Variants in MAPK4 observed in about 807,000 individuals in gnomAD.
MAPK4 encodes Erk3-related.
Under a neutral mutation model 47.7 loss-of-function variants are expected in MAPK4, and 22 were observed. The ratio of observed to expected loss-of-function variants is 0.46; its 90% CI spans 0.33 to 0.66. The LOEUF (loss-of-function observed/expected upper bound fraction) is 0.66. Among genes scored for constraint, MAPK4 ranks in the 30% least tolerant of loss-of-function variants. The pLI is 0.02. For missense variants in MAPK4, 736 were observed against 831.7 expected (o/e 0.88, Z 1.42); for synonymous variants, 390 against 365.7 (o/e 1.07, Z -0.76).
At chr18:50,591,076 A>G (rs764407842) in intron 1 of MAPK4, among the ~76,000 whole-genome samples, 1 of 152,232 alleles carries the variant, frequency 6.6e-6, no homozygotes, top group East Asian at 1.9e-4. Context: ...TATTGGCACA[A>G]TAATTGGCCT....
chr18:50,694,659 G>T (rs1457018884), intron 2 of MAPK4, among the ~76,000 whole-genome samples: 4 of 152,178 alleles, frequency 2.6e-5, no homozygotes, highest in African/African-American at 9.7e-5. Flanking sequence ...CCCTCAGGAA[G>T]TTGTTTGAGT....
intron 1 of MAPK4, among the ~76,000 whole-genome samples, chr18:50,633,334 G>A (rs1026158387): frequency 6.6e-6 from 1 of 152,220 alleles, no homozygotes; most frequent in Non-Finnish European, 1.5e-5. Flanking sequence ...CTGGGAGTGA[G>A]CCACTGTGCC....
chr18:50,676,724 C>A (rs995258132), intron 2 of MAPK4, among the ~76,000 whole-genome samples: 2 of 152,182 alleles, frequency 1.3e-5, no homozygotes, highest in African/African-American at 4.8e-5. Context: ...GGTAAACTAT[C>A]ATTCATCCAC....
intron 2 of MAPK4, among the ~76,000 whole-genome samples, chr18:50,711,628 T>C (rs1910369921): frequency 1.3e-5 from 2 of 152,354 alleles, no homozygotes; most frequent in South Asian, 2.1e-4. Flanking sequence ...ACCCTGTGCA[T>C]GGGCATGCCC....
chr18:50,689,426 A>G (rs1380890435), intron 2 of MAPK4, among the ~76,000 whole-genome samples: 1 of 151,222 alleles, frequency 6.6e-6, no homozygotes, highest in African/African-American at 2.4e-5. Context: ...AAAAAAAAAA[A>G]AAGCTATTCT....
chr18:50,715,453 C>T (rs988540945), intron 3 of MAPK4, among the ~76,000 whole-genome samples: 1 of 152,188 alleles, frequency 6.6e-6, no homozygotes, highest in African/African-American at 2.4e-5. Flanking sequence ...AATCAAGTAA[C>T]TACTTTGCTA....
chr18:50,706,707 T>C (rs1052993385), intron 2 of MAPK4, among the ~76,000 whole-genome samples: 2 of 152,184 alleles, frequency 1.3e-5, no homozygotes, highest in East Asian at 3.9e-4. Context: ...CACCCCAGGA[T>C]GCTAATGCCC....
At chr18:50,607,923 A>G (rs2042596277) in intron 1 of MAPK4, among the ~76,000 whole-genome samples, 1 of 152,192 alleles carries the variant, frequency 6.6e-6, no homozygotes, top group South Asian at 2.1e-4. Context: ...GAAGCCACAT[A>G]ATGAGTTCTT....
intron 2 of MAPK4, among the ~76,000 whole-genome samples, chr18:50,665,221 G>A (rs1310894192): frequency 6.6e-6 from 1 of 152,190 alleles, no homozygotes; most frequent in Non-Finnish European, 1.5e-5. Flanking sequence ...GTCACACTGA[G>A]TTGTTCTCAA....
chr18:50,681,583 A>G (rs1018424577), intron 2 of MAPK4, among the ~76,000 whole-genome samples: 1 of 152,064 alleles, frequency 6.6e-6, no homozygotes, highest in Admixed American at 6.5e-5. Flanking sequence ...TCCATTTTTT[A>G]GTTGATTTTT....
At chr18:50,564,562 C>T (rs150544145) in intron 1 of MAPK4, among the ~76,000 whole-genome samples, 24 of 152,284 alleles carry the variant, frequency 1.6e-4, no homozygotes, top group African/African-American at 5.8e-4. Context: ...TAATGTAATT[C>T]AATTCTTTTC....
intron 2 of MAPK4, among the ~76,000 whole-genome samples, chr18:50,697,546 G>A (rs952932595): frequency 8.5e-5 from 13 of 152,190 alleles, no homozygotes; most frequent in Non-Finnish European, 1.6e-4. Flanking sequence ...ATTAGTTCCT[G>A]TTCAGCAAAA....
Position 50,604,105 on chromosome 18 carries a change from A to G in MAPK4, c.-871+43862A>G, listed in dbSNP as rs966315716. On this transcript the variant is annotated intron_variant, in intron 1 of 5. Coordinates refer to ENST00000400384, the MANE Select transcript of MAPK4 (RefSeq NM_002747.4). ...GTATAAGGACAAGACAAGAAAAAAA[A>G]CTCAAATTCTGGGATCATTTAGGTA... Among the ~76,000 whole-genome samples the G allele has an allele frequency of 7.2e-5, 11 of 152,328 alleles. No individual in the cohort carries two copies. The East Asian group carries it at 2.1e-3, about 29-fold the overall frequency.
intron 2 of MAPK4, among the ~76,000 whole-genome samples, chr18:50,714,319 G>C (rs755257344): frequency 2.0e-5 from 3 of 152,076 alleles, no homozygotes; most frequent in Non-Finnish European, 4.4e-5. Flanking sequence ...TAAATTCCCT[G>C]GGTATATTTT....
intron 2 of MAPK4, among the ~76,000 whole-genome samples, chr18:50,666,393 A>G (rs953185450): frequency 5.9e-5 from 9 of 152,192 alleles, no homozygotes; most frequent in Non-Finnish European, 1.0e-4. Flanking sequence ...CCTCTGGCTT[A>G]TGGTTAAGAA....
intron 1 of MAPK4, among the ~76,000 whole-genome samples, chr18:50,566,892 C>T (rs1175346317): frequency 1.3e-5 from 2 of 152,088 alleles, no homozygotes; most frequent in Non-Finnish European, 2.9e-5. Context: ...TCGTATTTTG[C>T]TGTGTATTTT....
intron 1 of MAPK4, among the ~76,000 whole-genome samples, chr18:50,611,354 G>C (rs776179308): frequency 6.6e-6 from 1 of 152,096 alleles, no homozygotes; most frequent in Non-Finnish European, 1.5e-5. Context: ...TCTTCTTCCC[G>C]TCATGAGCCC....
At position 50,729,920 on chromosome 18, in the gene MAPK4, A is replaced by T; in HGVS notation, c.*66A>T. 1 of 1,447,808 alleles carries T rather than the reference A, an allele frequency of 6.9e-7. No individual in the cohort carries two copies. The highest frequency in any genetic ancestry group is 9.2e-7 in the Non-Finnish European group (1 of 1,088,164). The allele number at this position is 1,447,808 out of a possible 1,614,324, so 89.7% of individuals were successfully genotyped here. On this transcript the variant is annotated 3_prime_UTR_variant, in exon 6 of 6. Coordinates refer to ENST00000400384, the MANE Select transcript of MAPK4 (RefSeq NM_002747.4). Reference sequence around the variant, plus strand: ...CCCAGAGAAAGCCGGGGCTGGCAGGAGGCGGCCGCCCTTCCCGCCCCTCTC... The same window carrying T: ...CCCAGAGAAAGCCGGGGCTGGCAGGTGGCGGCCGCCCTTCCCGCCCCTCTC...
intron 1 of MAPK4, among the ~76,000 whole-genome samples, chr18:50,620,867 C>T (rs2149382007): frequency 6.6e-6 from 1 of 152,272 alleles, no homozygotes; most frequent in African/African-American, 2.4e-5. Flanking sequence ...CTTTCCCTTC[C>T]ATGTTTGGAG....
Sources: allele counts gnomAD v4.1 joint callset (sites outside exome capture counted in the v4.1 genomes callset), GRCh38; gene constraint gnomAD v4.1.1; transcripts MANE v1.5; gene names NCBI Gene and HGNC (gene_info 2026-07-23, HGNC 2026-07-21).